NAALADL2: variants seen among roughly 807,000 people sequenced by gnomAD.
NAALADL2 encodes the protein N-acetylated alpha-linked acidic dipeptidase like 2, also known as inactive N-acetylated-alpha-linked acidic dipeptidase-like protein 2.
A neutral mutation model predicts 87.2 loss-of-function variants in NAALADL2; 76 were observed. The ratio of observed to expected loss-of-function variants is 0.87; its 90% CI spans 0.72 to 1.05. The LOEUF (loss-of-function observed/expected upper bound fraction) is 1.05. NAALADL2 is among the 50% of genes least tolerant of loss of function. The pLI is 0.00. For synonymous variants in NAALADL2, 354 were observed against 331.0 expected (o/e 1.07, Z -0.75); for missense variants, 1,089 against 945.8 (o/e 1.15, Z -1.99).
rs1294856427 is a variant in NAALADL2, at chr3:174,625,121, C to G, written c.-115+74484C>G. Among the ~76,000 whole-genome samples, 6 of 136,014 alleles carry G rather than the reference C, an allele frequency of 4.4e-5. No individual in the cohort carries two copies. In the East Asian group the frequency reaches 1.3e-3, roughly 29 times the overall value. 89.2% of individuals were successfully genotyped at this position (136,014 alleles called of 152,430 possible). On this transcript the variant is annotated intron_variant, in intron 2 of 3. Coordinates refer to the NAALADL2 transcript ENST00000434257. ...TCACCTGGGCTAGAGGGCAGTGGTA[C>G]AATCATGGCTCACTGAAGCCTCAGC...
At chr3:175,352,916 G>A (rs1197090118) in intron 5 of NAALADL2, among the ~76,000 whole-genome samples, 1 of 151,898 alleles carries the variant, frequency 6.6e-6, no homozygotes, top group African/African-American at 2.4e-5. Context: ...TGTTAAACCT[G>A]CCACTTATAC....
At chr3:175,473,480 T>A (rs9871651) in intron 9 of NAALADL2, among the ~76,000 whole-genome samples, 100,998 of 151,392 alleles carry the variant, frequency 0.67, 35,218 homozygotes, top group East Asian at 0.84. Context: ...TATCACAACT[T>A]CAAGCAAAGG....
chr3:174,580,292 A>T (rs956907980), intron 2 of NAALADL2, among the ~76,000 whole-genome samples: 17 of 152,056 alleles, frequency 1.1e-4, no homozygotes, highest in African/African-American at 1.9e-4. Context: ...AGTTCTTAAT[A>T]ATTGCTGTTG....
intron 10 of NAALADL2, among the ~76,000 whole-genome samples, chr3:175,607,816 C>T (rs1037687230): frequency 1.3e-5 from 2 of 151,626 alleles, no homozygotes; most frequent in African/African-American, 4.8e-5. Context: ...TTCAAGCATC[C>T]GTGAGTTTTA....
chr3:174,775,796 G>C (rs774512827), intron 3 of NAALADL2, among the ~76,000 whole-genome samples: 9 of 152,074 alleles, frequency 5.9e-5, no homozygotes, highest in Non-Finnish European at 1.3e-4. Flanking sequence ...GGTGACCTCA[G>C]CTGGAATTTG....
chr3:175,295,691 T>G (rs1756227824), intron 4 of NAALADL2, among the ~76,000 whole-genome samples: 2 of 148,920 alleles, frequency 1.3e-5, no homozygotes, highest in Non-Finnish European at 3.0e-5. Flanking sequence ...CTTCCCTACT[T>G]AAAATCTTTT....
intron 2 of NAALADL2, among the ~76,000 whole-genome samples, chr3:174,576,004 C>A (rs1715488940): frequency 1.3e-5 from 2 of 152,062 alleles, no homozygotes; most frequent in African/African-American, 4.8e-5. Flanking sequence ...GCTGGGATTA[C>A]AGGCATGCAC....
chr3:175,737,725 T>TTG (rs1744697042), intron 12 of NAALADL2, among the ~76,000 whole-genome samples: 1 of 140,512 alleles, frequency 7.1e-6, no homozygotes, highest in African/African-American at 2.7e-5. Flanking sequence ...TTTTTTTTTT[T>TTG]TTTTTTTTTT....
intron 1 of NAALADL2, among the ~76,000 whole-genome samples, chr3:174,919,996 G>T (rs757057744): frequency 5.9e-5 from 9 of 152,122 alleles, no homozygotes; most frequent in Non-Finnish European, 1.2e-4. Flanking sequence ...TGAGCAATAG[G>T]TCTCGACAGT....
At chr3:174,506,048 G>T (rs1417905607) in intron 1 of NAALADL2, among the ~76,000 whole-genome samples, 1 of 151,982 alleles carries the variant, frequency 6.6e-6, no homozygotes, top group Non-Finnish European at 1.5e-5. Context: ...TTTAGAGAGG[G>T]GAGGAGATGA....
At chr3:175,606,763 C>T (rs925077369) in intron 10 of NAALADL2, among the ~76,000 whole-genome samples, 6 of 152,034 alleles carry the variant, frequency 3.9e-5, no homozygotes, top group African/African-American at 1.4e-4. Flanking sequence ...TACTTCTGTT[C>T]CTTGGTCTTA....
intron 5 of NAALADL2, among the ~76,000 whole-genome samples, chr3:175,414,336 A>G (rs1490360932): frequency 1.3e-5 from 2 of 152,150 alleles, no homozygotes; most frequent in Non-Finnish European, 1.5e-5. Context: ...GTATATGAAT[A>G]TTTAGTGCAC....
intron 1 of NAALADL2, among the ~76,000 whole-genome samples, chr3:174,947,310 G>T (rs1201687915): frequency 6.6e-6 from 1 of 151,964 alleles, no homozygotes; most frequent in Non-Finnish European, 1.5e-5. Flanking sequence ...AAGATTACAT[G>T]TTCAGTTATC....
At chr3:175,795,608 G>A (rs946624782) in intron 13 of NAALADL2, among the ~76,000 whole-genome samples, 2 of 151,918 alleles carry the variant, frequency 1.3e-5, no homozygotes, top group Non-Finnish European at 2.9e-5. Context: ...GTGTGAACCT[G>A]GGAGGCGGAG....
chr3:175,600,523 G>GTTTT (rs1560828582), intron 10 of NAALADL2, among the ~76,000 whole-genome samples: 3 of 57,954 alleles, frequency 5.2e-5, no homozygotes, highest in Non-Finnish European at 7.8e-5. Flanking sequence ...ATGTGTCTTA[G>GTTTT]TCTTTTTTTT....
At chr3:175,540,890 A>G (rs1712200584) in intron 9 of NAALADL2, among the ~76,000 whole-genome samples, 1 of 152,216 alleles carries the variant, frequency 6.6e-6, no homozygotes, top group African/African-American at 2.4e-5. Context: ...TTTCTTTAGA[A>G]AGAAAATTTA....
At chr3:175,516,586 A>G (rs529777817) in intron 9 of NAALADL2, among the ~76,000 whole-genome samples, 1 of 152,352 alleles carries the variant, frequency 6.6e-6, no homozygotes, top group Non-Finnish European at 1.5e-5. Flanking sequence ...CTGATATTGG[A>G]ACAACTTATT....
Position 175,319,792 on chromosome 3 carries a change from C to G in NAALADL2, c.940-4383C>G, listed in dbSNP as rs538340352. Among the ~76,000 whole-genome samples, 5 of 152,242 alleles carry G rather than the reference C, an allele frequency of 3.3e-5. No individual in the cohort carries two copies. In the South Asian group the frequency reaches 8.3e-4, roughly 25 times the overall value. On this transcript the variant is annotated intron_variant, in intron 4 of 13. Coordinates refer to ENST00000454872, the MANE Select transcript of NAALADL2 (RefSeq NM_207015.3). ...TCGAGATTGCACCACTGCAATCCAG[C>G]CTGGGCGACAGAGCGAGACTGTGTT...
At chr3:174,653,686 A>G (rs1181242051) in intron 2 of NAALADL2, among the ~76,000 whole-genome samples, 3 of 152,164 alleles carry the variant, frequency 2.0e-5, no homozygotes, top group Non-Finnish European at 2.9e-5. Flanking sequence ...GGACAATGGC[A>G]GAGTAGCTAG....
Sources: allele counts gnomAD v4.1 joint callset (sites outside exome capture counted in the v4.1 genomes callset), GRCh38; gene constraint gnomAD v4.1.1; transcripts MANE v1.5; gene names NCBI Gene and HGNC (gene_info 2026-07-23, HGNC 2026-07-21).